The following DGKB variants were observed in gnomAD, a reference collection of about 807,000 sequenced individuals.
The protein encoded by DGKB is diacylglycerol kinase beta, also known as 90 kDa diacylglycerol kinase.
Under a neutral mutation model 114.3 loss-of-function variants are expected in DGKB, and 67 were observed. The observed-to-expected ratio is 0.59, with a 90% CI of 0.48 to 0.72. The LOEUF (loss-of-function observed/expected upper bound fraction) is 0.72, where lower values mean the gene tolerates loss of function less well. Ranked by LOEUF, DGKB falls within the 30% of genes least tolerant of loss-of-function variation. The pLI, the probability that DGKB is intolerant of heterozygous loss-of-function variation, is 0.00. For synonymous variants in DGKB, 398 were observed against 323.1 expected, an observed-to-expected ratio of 1.23 and a Z score of -2.49; for missense variants, 907 against 975.2, an observed-to-expected ratio of 0.93 and a Z score of 0.93.
chr7:14,719,210 T>C (rs1029465862), intron 5 of DGKB, among the ~76,000 whole-genome samples: 1 of 152,184 alleles, frequency 6.6e-6, no homozygotes, highest in African/African-American at 2.4e-5. Flanking sequence ...ATCAAGGGAC[T>C]TGCCCAGGAG....
intron 2 of DGKB, among the ~76,000 whole-genome samples, chr7:14,791,768 C>G (rs1048241943): frequency 1.3e-5 from 2 of 152,148 alleles, no homozygotes; most frequent in Admixed American, 6.5e-5. Flanking sequence ...TATCCCTGCA[C>G]TAAACCATAA....
At chr7:14,901,605 A>AACC (rs1562855781) in intron 1 of DGKB, among the ~76,000 whole-genome samples, 4 of 123,092 alleles carry the variant, frequency 3.2e-5, no homozygotes, top group Non-Finnish European at 5.1e-5. Flanking sequence ...AGGGATTTCC[A>AACC]CCCCCCCCCA....
upstream of DGKB, among the ~76,000 whole-genome samples, chr7:14,907,100 G>T (rs568753719): frequency 9.9e-5 from 15 of 152,160 alleles, no homozygotes; most frequent in Non-Finnish European, 2.2e-4. Flanking sequence ...TTAAATCAAT[G>T]AATCAGTGGG....
chr7:14,577,929 C>A (rs1799400529), intron 19 of DGKB, among the ~76,000 whole-genome samples: 1 of 152,190 alleles, frequency 6.6e-6, no homozygotes, highest in South Asian at 2.1e-4. Context: ...ACTGCAACTG[C>A]ATAAAGTACT....
At chr7:14,912,732 G>A (rs371008481) in intron 1 of DGKB, among the ~76,000 whole-genome samples, 46 of 152,008 alleles carry the variant, frequency 3.0e-4, no homozygotes, top group East Asian at 2.5e-3. Flanking sequence ...AGGTTTTATC[G>A]CTTATGTCAT....
intron 23 of DGKB, among the ~76,000 whole-genome samples, chr7:14,310,995 G>A (rs150101119): frequency 6.6e-6 from 1 of 151,958 alleles, no homozygotes; most frequent in South Asian, 2.1e-4. Flanking sequence ...AGATGTGGTG[G>A]TGTGCGCCTG....
chr7:14,558,784 G>A (rs1234743974), intron 20 of DGKB, among the ~76,000 whole-genome samples: 1 of 152,154 alleles, frequency 6.6e-6, no homozygotes, highest in Non-Finnish European at 1.5e-5. Context: ...GGTTCAGTAT[G>A]TTTGGCTCTT....
chr7:14,442,332 T>A (rs1483960170), intron 21 of DGKB, among the ~76,000 whole-genome samples: 1 of 151,982 alleles, frequency 6.6e-6, no homozygotes, highest in Non-Finnish European at 1.5e-5. Context: ...TTTTGTTACT[T>A]GGGTTTCTAT....
At chr7:14,431,638 A>T (rs1416618516) in intron 21 of DGKB, among the ~76,000 whole-genome samples, 3 of 152,194 alleles carry the variant, frequency 2.0e-5, no homozygotes, top group Admixed American at 6.5e-5. Context: ...TATAAAAAGT[A>T]CTTTTAAAAT....
At chr7:14,733,650 T>C (rs6978420) in intron 5 of DGKB, among the ~76,000 whole-genome samples, 8,434 of 151,528 alleles carry the variant, frequency 0.056, 340 homozygotes, top group Admixed American at 0.11. Context: ...ATCATGCCAC[T>C]GCACTCAAGC....
chr7:14,520,873 T>A (rs1481283332), intron 20 of DGKB, among the ~76,000 whole-genome samples: 1 of 152,114 alleles, frequency 6.6e-6, no homozygotes, highest in African/African-American at 2.4e-5. Flanking sequence ...TCTGGGAAGG[T>A]CTGTCCTCAG....
At chr7:14,454,951 C>T (rs1261713513) in intron 21 of DGKB, among the ~76,000 whole-genome samples, 1 of 151,860 alleles carries the variant, frequency 6.6e-6, no homozygotes, top group Non-Finnish European at 1.5e-5. Context: ...AATAATTTAC[C>T]CTAGGCTTCA....
intron 23 of DGKB, among the ~76,000 whole-genome samples, chr7:14,239,565 T>G (rs1027857018): frequency 1.3e-5 from 2 of 152,048 alleles, no homozygotes; most frequent in African/African-American, 4.8e-5. Context: ...TTATGTCCTC[T>G]AATCTTTCTA....
intron 1 of DGKB, among the ~76,000 whole-genome samples, chr7:14,866,926 A>C (rs1587016059): frequency 6.6e-6 from 1 of 152,180 alleles, no homozygotes. Flanking sequence ...GGCCATTTTA[A>C]TAAGTGTGTA....
intron 16 of DGKB, among the ~76,000 whole-genome samples, chr7:14,609,290 G>T (rs1453236682): frequency 6.6e-6 from 1 of 151,960 alleles, no homozygotes; most frequent in Non-Finnish European, 1.5e-5. Context: ...AAACAATAGC[G>T]AAAGGACTTC....
chr7:14,647,532 A>G (rs1813300510), intron 13 of DGKB, among the ~76,000 whole-genome samples: 1 of 152,206 alleles, frequency 6.6e-6, no homozygotes, highest in Non-Finnish European at 1.5e-5. Flanking sequence ...CAAAACAACA[A>G]CAAACTACAG....
intron 19 of DGKB, among the ~76,000 whole-genome samples, chr7:14,577,493 C>T (rs932483398): frequency 3.3e-5 from 5 of 151,896 alleles, no homozygotes; most frequent in Admixed American, 6.6e-5. Flanking sequence ...GGCGGGCGCC[C>T]GTAGTACCAG....
intron 23 of DGKB, among the ~76,000 whole-genome samples, chr7:14,306,805 C>T (rs1196748912): frequency 6.6e-6 from 1 of 152,128 alleles, no homozygotes; most frequent in Non-Finnish European, 1.5e-5. Context: ...GCTTCAGGGG[C>T]CAATAATTAG....
intron 1 of DGKB, among the ~76,000 whole-genome samples, chr7:14,955,536 A>T (rs1786452983): frequency 6.6e-6 from 1 of 152,096 alleles, no homozygotes; most frequent in African/African-American, 2.4e-5. Context: ...TCTCAGAAGA[A>T]TGTAGTCATC....
Sources: allele counts gnomAD v4.1 joint callset (sites outside exome capture counted in the v4.1 genomes callset), GRCh38; gene constraint gnomAD v4.1.1; transcripts MANE v1.5; gene names NCBI Gene and HGNC (gene_info 2026-07-23, HGNC 2026-07-21).